AAMDC: variants seen among roughly 807,000 people sequenced by gnomAD.
The protein encoded by AAMDC is adipogenesis associated Mth938 domain containing.
Under a neutral mutation model 15.5 loss-of-function variants are expected in AAMDC, and 16 were observed. The observed-to-expected ratio is 1.03, with a 90% CI of 0.70 to 1.57. The LOEUF (loss-of-function observed/expected upper bound fraction) is 1.57. Ranked by LOEUF, AAMDC falls within the 40% of genes most tolerant of loss-of-function variation. AAMDC has a pLI of 0.00. For missense variants in AAMDC, 141 were observed against 144.9 expected, an observed-to-expected ratio of 0.97 and a Z score of 0.14; for synonymous variants, 51 against 51.6, an observed-to-expected ratio of 0.99 and a Z score of 0.05.
At chr11:77,877,510 G>T (rs1951631879) in intron 5 of AAMDC, among the ~76,000 whole-genome samples, 1 of 152,194 alleles carries the variant, frequency 6.6e-6, no homozygotes, top group Non-Finnish European at 1.5e-5. Flanking sequence ...CACAGATGAG[G>T]AAACTGAGGC....
intron 2 of AAMDC, among the ~76,000 whole-genome samples, chr11:77,845,432 C>A (rs1046674366): frequency 6.9e-6 from 1 of 144,166 alleles, no homozygotes; most frequent in African/African-American, 2.5e-5. Context: ...TTTTTCTTTT[C>A]TTTTTTTTTG....
At chr11:77,841,293 C>A in intron 1 of AAMDC, 1 of 699,404 alleles carries the variant, frequency 1.4e-6, no homozygotes, top group South Asian at 1.5e-5. Flanking sequence ...TGCAGACATT[C>A]AAACCATAGC....
At chr11:77,869,312 CTTT>C (rs1209578429) in intron 2 of AAMDC, 46 of 126,948 alleles carry the variant, frequency 3.6e-4, no homozygotes, top group South Asian at 1.4e-3. Context: ...ATCTCTTTTT[CTTT>C]TTTTTTTTTT....
downstream of AAMDC, among the ~76,000 whole-genome samples, chr11:77,874,970 C>T (rs970966884): frequency 4.6e-5 from 7 of 150,700 alleles, no homozygotes; most frequent in Non-Finnish European, 8.8e-5. Flanking sequence ...GGAACCAGGG[C>T]GGCAGAGCCT....
chr11:77,898,280 A>G (rs946792857), intron 5 of AAMDC, among the ~76,000 whole-genome samples: 5 of 152,286 alleles, frequency 3.3e-5, no homozygotes, highest in African/African-American at 9.6e-5. Context: ...TTTCTGCCTC[A>G]GCCTCCCGAG....
At chr11:77,881,212 T>C (rs890182979) in intron 5 of AAMDC, among the ~76,000 whole-genome samples, 4 of 152,212 alleles carry the variant, frequency 2.6e-5, no homozygotes, top group Non-Finnish European at 5.9e-5. Flanking sequence ...CTTATTCTCA[T>C]CTTAATGAGA....
chr11:77,854,531 T>A (rs1950532428), intron 2 of AAMDC, among the ~76,000 whole-genome samples: 1 of 152,150 alleles, frequency 6.6e-6, no homozygotes, highest in South Asian at 2.1e-4. Context: ...GGGCAGTAAT[T>A]AAAACTTAAA....
At chr11:77,862,253 A>G (rs1267087674) in intron 2 of AAMDC, among the ~76,000 whole-genome samples, 3 of 152,134 alleles carry the variant, frequency 2.0e-5, no homozygotes, top group Non-Finnish European at 4.4e-5. Flanking sequence ...GATACCAGAG[A>G]TCGCCAAACT....
At chr11:77,901,543 T>C, downstream of AAMDC, 1 of 1,603,260 alleles carries the variant, frequency 6.2e-7, no homozygotes. Flanking sequence ...TGTAGGTCTC[T>C]TCCATAATCT....
At chr11:77,837,027 C>G (rs868530166) in intron 1 of AAMDC, among the ~76,000 whole-genome samples, 2 of 152,246 alleles carry the variant, frequency 1.3e-5, no homozygotes, top group Non-Finnish European at 2.9e-5. Context: ...AGTATTAGAT[C>G]CTCAAAAACA....
chr11:77,872,888 T>A (rs1353795649), downstream of AAMDC, among the ~76,000 whole-genome samples: 1 of 152,102 alleles, frequency 6.6e-6, no homozygotes, highest in Non-Finnish European at 1.5e-5. Flanking sequence ...GAGGTAGAGG[T>A]TGCGGTGAGC....
chr11:77,863,477 A>T (rs1256423626), intron 2 of AAMDC, among the ~76,000 whole-genome samples: 1 of 152,200 alleles, frequency 6.6e-6, no homozygotes, highest in Non-Finnish European at 1.5e-5. Flanking sequence ...CAAAGAAGGT[A>T]GCCTGCGTTT....
chr11:77,888,053 C>G (rs1952095060), intron 5 of AAMDC, among the ~76,000 whole-genome samples: 1 of 152,136 alleles, frequency 6.6e-6, no homozygotes, highest in Non-Finnish European at 1.5e-5. Context: ...TGACTTTCTT[C>G]ACAGAATTGG....
At chr11:77,894,840 A>C (rs558439913) in intron 5 of AAMDC, among the ~76,000 whole-genome samples, 64 of 152,334 alleles carry the variant, frequency 4.2e-4, no homozygotes, top group Middle Eastern at 6.8e-3. Context: ...ACTGCACTCA[A>C]TGAAGCCTAC....
downstream of AAMDC, among the ~76,000 whole-genome samples, chr11:77,874,366 T>C (rs1374364092): frequency 6.6e-6 from 1 of 151,526 alleles, no homozygotes; most frequent in African/African-American, 2.4e-5. Context: ...TCTCTAGTGA[T>C]GCAGTCTTTT....
In AAMDC at chr11:77,842,600, C is replaced by T. The variant is rs755877540; in HGVS notation, c.104C>T (p.Thr35Ile). 1.1e-5 allele frequency: 17 copies of T among 1,613,864 alleles called. No individual in the cohort carries two copies. Among genetic ancestry groups the T allele is most frequent in the Non-Finnish European group, 1.3e-5 (15 of 1,179,926 alleles). The change falls in exon 2 of 4, where the codon ACT becomes ATT. Residue 35 changes from threonine (T) to isoleucine (I), a missense_variant. Physicochemically the swap from Thr to Ile is moderately conservative, Grantham distance 89. Coordinates refer to ENST00000393427, the MANE Select transcript of AAMDC (RefSeq NM_024684.4). ...AAAGTATGGCCAGGGGGTAGTCGGACTTGGGATTGGAGAGAAACAGGAACT... is the reference window on the plus strand; with the variant it reads ...AAAGTATGGCCAGGGGGTAGTCGGATTTGGGATTGGAGAGAAACAGGAACT... ...DCKVWPGGSR[T>I]WDWRETGTEH...
intron 2 of AAMDC, among the ~76,000 whole-genome samples, chr11:77,844,937 C>G (rs1242241786): frequency 6.6e-6 from 1 of 152,114 alleles, no homozygotes; most frequent in African/African-American, 2.4e-5. Flanking sequence ...GCCATCCCAC[C>G]ACCTTTTGGC....
intron 5 of AAMDC, chr11:77,891,554 G>A (rs1174478167): frequency 2.6e-6 from 4 of 1,561,144 alleles, no homozygotes; most frequent in Non-Finnish European, 3.5e-6. Flanking sequence ...TCTAATGAGT[G>A]GGCATGTGGG....
chr11:77,844,438 C>T (rs962198352), intron 2 of AAMDC, among the ~76,000 whole-genome samples: 2 of 152,076 alleles, frequency 1.3e-5, no homozygotes, highest in African/African-American at 4.8e-5. Context: ...TCATGGCGCA[C>T]TGTAGTCTAC....
Sources: gnomAD v4.1 joint callset for allele counts (sites outside exome capture counted in the v4.1 genomes callset) on GRCh38, gnomAD v4.1.1 for gene constraint, MANE v1.5 for transcripts, NCBI Gene and HGNC (gene_info 2026-07-23, HGNC 2026-07-21) for gene names.